NRDC: variants seen among roughly 807,000 people sequenced by gnomAD.
NRDC encodes the protein nardilysin convertase, also known as nardilysin.
NRDC carries 54 observed loss-of-function variants against 147.1 expected under a neutral mutation model. That is an observed-to-expected ratio of 0.37 (90% CI 0.29 to 0.46). NRDC has a LOEUF of 0.46. NRDC is among the 20% of genes least tolerant of loss of function. The probability of loss-of-function intolerance (pLI) is 1.00; values close to 1 mark genes in which losing one functional copy is unlikely to be tolerated. For synonymous variants in NRDC, 440 were observed against 482.1 expected, an observed-to-expected ratio of 0.91 and a Z score of 1.14; for missense variants, 1,082 against 1,370.6, an observed-to-expected ratio of 0.79 and a Z score of 3.33.
chr1:51,849,580 GTGGAGGTGGA>G (rs1681834582), intron 1 of NRDC, among the ~76,000 whole-genome samples: 2 of 152,130 alleles, frequency 1.3e-5, no homozygotes, highest in Admixed American at 1.3e-4. Context: ...ACTTTGGAAG[GTGGAGGTGGA>G]TGGATCACGA....
intron 22 of NRDC, 79 bp from the exon 23 acceptor site, chr1:51,794,933 A>G: frequency 6.3e-7 from 1 of 1,598,634 alleles, no homozygotes; most frequent in Non-Finnish European, 8.5e-7. Context: ...TCAATGTTCC[A>G]ATTGCTTGGG....
intron 1 of NRDC, among the ~76,000 whole-genome samples, chr1:51,865,336 GCT>G (rs1682753883): frequency 6.7e-6 from 1 of 150,090 alleles, no homozygotes; most frequent in Non-Finnish European, 1.5e-5. Flanking sequence ...ACGGAGTCTC[GCT>G]CTGTCACCCA....
intron 29 of NRDC, 35 bp downstream of exon 29, chr1:51,790,498 C>T: frequency 7.5e-7 from 1 of 1,331,116 alleles, no homozygotes; most frequent in Non-Finnish European, 1.1e-6. Flanking sequence ...GAACCTTGAC[C>T]AGTTTGAGCT....
chr1:51,827,948 T>C, intron 4 of NRDC, 79 bp from the exon 5 acceptor site: 1 of 1,096,500 alleles, frequency 9.1e-7, no homozygotes, highest in South Asian at 1.3e-5. Flanking sequence ...TTAAGAAACT[T>C]ACTAAGTTGG....
At chr1:51,874,461 T>C (rs1325328094) in intron 1 of NRDC, among the ~76,000 whole-genome samples, 3 of 151,928 alleles carry the variant, frequency 2.0e-5, no homozygotes, top group Admixed American at 2.0e-4. Context: ...TACAAAAGCT[T>C]AGCTGGGCAT....
At chr1:51,811,216 A>T (rs1679698448) in intron 15 of NRDC, among the ~76,000 whole-genome samples, 1 of 152,206 alleles carries the variant, frequency 6.6e-6, no homozygotes, top group Non-Finnish European at 1.5e-5. Context: ...TAAAATTAAT[A>T]GTTTAGGAAC....
At chr1:51,800,181 C>G (rs1679127105) in intron 21 of NRDC, among the ~76,000 whole-genome samples, 1 of 152,100 alleles carries the variant, frequency 6.6e-6, no homozygotes, top group South Asian at 2.1e-4. Context: ...TGCTATATTG[C>G]CCAGGCTAGT....
At position 51,794,455 on chromosome 1, in the gene NRDC, T is replaced by G; in HGVS notation, c.2775+17A>C. The G allele has an allele frequency of 6.2e-7, 1 of 1,613,132 alleles. No homozygotes were observed. The highest frequency in any genetic ancestry group is 8.5e-7 in the Non-Finnish European group (1 of 1,179,158). ...AGGCACTGGGCCTTCCGCCAGTCTTTAGTACACCCAACTGACCTGGTAGTA... is the reference window on the plus strand; with the variant it reads ...AGGCACTGGGCCTTCCGCCAGTCTTGAGTACACCCAACTGACCTGGTAGTA... On this transcript the variant is annotated intron_variant, in intron 24 of 30. Transcript: ENST00000352171.
chr1:51,853,919 G>T (rs1487859590), intron 1 of NRDC, among the ~76,000 whole-genome samples: 1 of 152,176 alleles, frequency 6.6e-6, no homozygotes, highest in African/African-American at 2.4e-5. Context: ...GATTGCTAAA[G>T]TTATGCATAT....
intron 1 of NRDC, among the ~76,000 whole-genome samples, chr1:51,851,551 A>T (rs967457789): frequency 1.3e-5 from 2 of 151,806 alleles, no homozygotes; most frequent in Non-Finnish European, 1.5e-5. Flanking sequence ...CCAAGGAAAA[A>T]AAAAAAATGA....
chr1:51,819,819 T>C lies in NRDC; in HGVS notation c.1272A>G (p.Ala424=), dbSNP rs756496854. 11 of 1,606,816 alleles carry C rather than the reference T, an allele frequency of 6.8e-6. No homozygotes were observed. Among genetic ancestry groups the C allele is most frequent in the African/African-American group, 1.3e-5 (1 of 74,870 alleles). The part of the protein sequence containing the change: ...GHLTDPFDTP[A]FNKLYRVVPI... ...ACAAACCTCTATAAAGTTTGTTAAA[T>C]GCTGGTGTGTCAAATGGATCCGTTA... The change falls in exon 9 of 31, where the codon GCA becomes GCG. Residue 424 remains alanine, a synonymous_variant. Transcript: ENST00000352171.
intron 1 of NRDC, among the ~76,000 whole-genome samples, chr1:51,869,671 T>G (rs964443059): frequency 6.6e-6 from 1 of 152,212 alleles, no homozygotes; most frequent in Non-Finnish European, 1.5e-5. Flanking sequence ...GAAAATAAAG[T>G]TGTACCAACT....
chr1:51,846,491 G>C (rs575030208), intron 1 of NRDC, among the ~76,000 whole-genome samples: 3 of 152,338 alleles, frequency 2.0e-5, no homozygotes, highest in Middle Eastern at 3.4e-3. Flanking sequence ...CTGACTTCAA[G>C]AATGAAGCCG....
chr1:51,853,694 C>T (rs1311577655), intron 1 of NRDC, among the ~76,000 whole-genome samples: 1 of 152,158 alleles, frequency 6.6e-6, no homozygotes, highest in Non-Finnish European at 1.5e-5. Flanking sequence ...ATAGGATAGC[C>T]TTAGATTACA....
intron 8 of NRDC, among the ~76,000 whole-genome samples, chr1:51,820,514 C>T (rs76978177): frequency 0.015 from 2,317 of 152,098 alleles, 64 homozygotes; most frequent in African/African-American, 0.053. Flanking sequence ...ATTAAACACA[C>T]CTCTGATTTT....
chr1:51,812,961 CAAAAAA>C lies in NRDC; in HGVS notation c.1675-869_1675-864del, dbSNP rs5774107. Among the ~76,000 whole-genome samples, 32 of 71,816 alleles carry C rather than the reference CAAAAAA, an allele frequency of 4.5e-4. No individual in the cohort carries two copies. The East Asian group carries it at 6.9e-3, about 15-fold the overall frequency. 47.1% of individuals were successfully genotyped at this position (71,816 alleles called of 152,430 possible). ...CAGATGACAGAGCAAGACTCTGTCT[CAAAAAA>C]AAAAAAAAAAAAAAAAAATCAAAAT... On this transcript the variant is annotated intron_variant, in intron 14 of 30. Coordinates refer to ENST00000352171, the MANE Select transcript of NRDC (RefSeq NM_001101662.2).
chr1:51,854,484 T>TA (rs1190346825), intron 1 of NRDC, among the ~76,000 whole-genome samples: 1 of 152,016 alleles, frequency 6.6e-6, no homozygotes, highest in Non-Finnish European at 1.5e-5. Flanking sequence ...GATTGATGGG[T>TA]GACAAAAGAT....
chr1:51,833,057 T>C (rs939956145), intron 4 of NRDC, among the ~76,000 whole-genome samples: 1 of 152,204 alleles, frequency 6.6e-6, no homozygotes. Context: ...TTAAAAAATA[T>C]AGATGGGTCT....
chr1:51,840,300 G>A lies in NRDC; in HGVS notation c.556C>T (p.Leu186Phe). ...DEFDDEHDDD[L>F]DTEDNELEEL... ...TCCAATTCATTATCCTCAGTATCAA[G>A]ATCATCATCATGTTCATCATCAAAC... Residue 186 changes from leucine (L) to phenylalanine (F), a missense_variant, in exon 2 of 31, where the codon CTT becomes TTT. Leu to Phe is a conservative substitution (Grantham distance 22). Transcript: ENST00000352171. 4 of 1,587,108 alleles carry A rather than the reference G, an allele frequency of 2.5e-6. No homozygotes were observed. The highest frequency in any genetic ancestry group is 3.5e-6 in the Non-Finnish European group (4 of 1,155,770).
Sources: allele counts gnomAD v4.1 joint callset (sites outside exome capture counted in the v4.1 genomes callset), GRCh38; gene constraint gnomAD v4.1.1; transcripts MANE v1.5; gene names NCBI Gene and HGNC (gene_info 2026-07-23, HGNC 2026-07-21).